ZNF831: variants seen among roughly 807,000 people sequenced by gnomAD.
ZNF831 encodes zinc finger protein 831.
Under a neutral mutation model 95.8 loss-of-function variants are expected in ZNF831, and 59 were observed. That is an observed-to-expected ratio of 0.62 (90% CI 0.50 to 0.77). The LOEUF (loss-of-function observed/expected upper bound fraction) is 0.77, where lower values mean the gene tolerates loss of function less well. Among genes scored for constraint, ZNF831 ranks in the 30% least tolerant of loss-of-function variants. The pLI, the probability that ZNF831 is intolerant of heterozygous loss-of-function variation, is 0.00. For synonymous variants in ZNF831, 961 were observed against 925.5 expected (o/e 1.04, Z -0.70); for missense variants, 2,205 against 2,164.0 (o/e 1.02, Z -0.38).
intron 3 of ZNF831, among the ~76,000 whole-genome samples, chr20:59,200,848 AGTGAGTAT>A (rs1489428961): frequency 1.3e-5 from 2 of 150,204 alleles, no homozygotes; most frequent in African/African-American, 4.9e-5. Flanking sequence ...TATGCCATTG[AGTGAGTAT>A]GTCACAATTT....
intron 1 of ZNF831, among the ~76,000 whole-genome samples, chr20:59,173,908 G>A (rs76254714): frequency 0.083 from 12,623 of 152,118 alleles, 708 homozygotes; most frequent in Non-Finnish European, 0.12. Context: ...TTGAGGGAGA[G>A]TACTCAAGAA....
chr20:59,216,716 G>T (rs546203613), intron 4 of ZNF831, among the ~76,000 whole-genome samples: 1 of 152,148 alleles, frequency 6.6e-6, no homozygotes, highest in African/African-American at 2.4e-5. Context: ...CATGGGGGAC[G>T]GGCGCAGGTA....
chr20:59,156,623 C>T (rs1001570773), intron 2 of ZNF831, among the ~76,000 whole-genome samples: 1 of 152,202 alleles, frequency 6.6e-6, no homozygotes. Flanking sequence ...ACTTAGCCAT[C>T]TCGCATAACT....
chr20:59,166,252 A>G (rs999721768), intron 1 of ZNF831, among the ~76,000 whole-genome samples: 1 of 152,204 alleles, frequency 6.6e-6, no homozygotes, highest in African/African-American at 2.4e-5. Flanking sequence ...ACTCGTGGCT[A>G]GGGTCGGTTC....
At chr20:59,196,033 T>G (rs949298199) in intron 3 of ZNF831, 28 bp downstream of exon 3, 5 of 1,608,468 alleles carry the variant, frequency 3.1e-6, no homozygotes, top group Non-Finnish European at 4.2e-6. Context: ...CTCTGTCATT[T>G]CCACAAAACC....
chr20:59,240,282 A>ACTTTAG (rs1456481306), intron 4 of ZNF831, among the ~76,000 whole-genome samples: 2 of 151,888 alleles, frequency 1.3e-5, no homozygotes, highest in Non-Finnish European at 2.9e-5. Context: ...GTTAAAGGCT[A>ACTTTAG]CCTCCCATTT....
rs760958768 is a variant in ZNF831, at chr20:59,254,631, C to A, written c.4922C>A (p.Ala1641Asp). The change falls in exon 6 of 6, where the codon GCC becomes GAC. Residue 1641 changes from alanine (A) to aspartate (D), a missense_variant. Transcript: ENST00000371030. The surrounding 1 kb of genome is among the most constrained non-coding windows in gnomAD (Gnocchi z 4.5). Reference protein sequence around the residue: ...KPEQPIEIPEAPSKSLKKRSL... With the variant: ...KPEQPIEIPEDPSKSLKKRSL... ...GAGCAGCCCATAGAAATTCCTGAAGCCCCTTCTAAATCCCTCAAGAAGAGG... is the reference window on the plus strand; with the variant it reads ...GAGCAGCCCATAGAAATTCCTGAAGACCCTTCTAAATCCCTCAAGAAGAGG... 8.7e-6 allele frequency: 14 copies of A among 1,613,920 alleles called. No individual in the cohort carries two copies. The highest frequency in any genetic ancestry group is 6.7e-5 in the East Asian group (3 of 44,882).
intron 4 of ZNF831, among the ~76,000 whole-genome samples, chr20:59,251,062 G>A (rs1033498096): frequency 1.4e-4 from 22 of 152,024 alleles, no homozygotes; most frequent in African/African-American, 5.3e-4. Context: ...AAGTGTTCTT[G>A]CCAAAAAAAG....
intron 2 of ZNF831, among the ~76,000 whole-genome samples, chr20:59,195,632 G>A (rs1410933031): frequency 3.3e-5 from 5 of 152,182 alleles, no homozygotes; most frequent in African/African-American, 4.8e-5. Context: ...AGTTAACACC[G>A]ATGGCATAGG....
At chr20:59,247,285 C>A (rs184909107) in intron 4 of ZNF831, among the ~76,000 whole-genome samples, 1 of 152,178 alleles carries the variant, frequency 6.6e-6, no homozygotes, top group East Asian at 1.9e-4. Context: ...CCAGCACCTT[C>A]GTGCTTTTTC....
At position 59,257,468 on chromosome 20, in the gene ZNF831, A is replaced by C. The variant is rs972589098; in HGVS notation, c.*2725A>C. On this transcript the variant is annotated 3_prime_UTR_variant, in exon 6 of 6. Coordinates refer to ENST00000371030, the MANE Select transcript of ZNF831 (RefSeq NM_178457.3). Reference sequence around the variant, plus strand: ...AACAATCTCTGATTTTATAAATCTTAATTTTCCTATGGGTTTTCTTAAAGT... The same window carrying C: ...AACAATCTCTGATTTTATAAATCTTCATTTTCCTATGGGTTTTCTTAAAGT... 1 of 152,178 alleles carries C rather than the reference A, an allele frequency of 6.6e-6. No individual in the cohort carries two copies. The highest frequency in any genetic ancestry group is 2.4e-5 in the African/African-American group (1 of 41,438). 9.4% of individuals were successfully genotyped at this position (152,178 alleles called of 1,614,324 possible).
chr20:59,159,025 C>A (rs542694377), upstream of ZNF831, among the ~76,000 whole-genome samples: 2 of 152,240 alleles, frequency 1.3e-5, no homozygotes, highest in East Asian at 3.9e-4. Context: ...TAACTTTTTT[C>A]AAGTGCCATA....
upstream of ZNF831, among the ~76,000 whole-genome samples, chr20:59,159,078 C>G (rs188162544): frequency 2.8e-3 from 429 of 152,116 alleles, no homozygotes; most frequent in Non-Finnish European, 4.4e-3. Context: ...AATATCACAT[C>G]AATTATTATA....
At chr20:59,132,841 C>G (rs1979389806) in intron 1 of ZNF831, among the ~76,000 whole-genome samples, 2 of 152,272 alleles carry the variant, frequency 1.3e-5, no homozygotes. Context: ...TGAGCTGTGC[C>G]AAGAGCCAGC....
intron 4 of ZNF831, among the ~76,000 whole-genome samples, chr20:59,247,792 T>TG (rs1291356805): frequency 6.6e-6 from 1 of 152,194 alleles, no homozygotes; most frequent in Admixed American, 6.5e-5. Flanking sequence ...TTTGGTGTAT[T>TG]GGGACAAACC....
chr20:59,150,040 T>C (rs527393215), intron 2 of ZNF831, among the ~76,000 whole-genome samples: 138 of 152,384 alleles, frequency 9.1e-4, no homozygotes, highest in African/African-American at 3.1e-3. Context: ...AAACGGGCTC[T>C]GTTGATAAAA....
intron 1 of ZNF831, among the ~76,000 whole-genome samples, chr20:59,183,250 T>A (rs928591369): frequency 6.6e-6 from 1 of 152,234 alleles, no homozygotes; most frequent in Non-Finnish European, 1.5e-5. Flanking sequence ...GAGCCAGGCC[T>A]GACCTTACCC....
intron 1 of ZNF831, among the ~76,000 whole-genome samples, chr20:59,180,769 T>C (rs937019452): frequency 6.6e-6 from 1 of 152,264 alleles, no homozygotes; most frequent in African/African-American, 2.4e-5. Context: ...TTATCCAGTC[T>C]ATCACTGATG....
chr20:59,136,782 A>G lies in ZNF831; in HGVS notation c.-1424-9449A>G, dbSNP rs140089227. On this transcript the variant is annotated intron_variant, in intron 1 of 7. Transcript: ENST00000637017. Reference sequence around the variant, plus strand: ...TCCCCCAAAATCTTTTTTCCTTTCTATCTCATAGCAACAGATCCCCCAGGT... The same window carrying G: ...TCCCCCAAAATCTTTTTTCCTTTCTGTCTCATAGCAACAGATCCCCCAGGT... 2.5e-3 allele frequency among the ~76,000 whole-genome samples: 385 copies of G among 152,230 alleles called. 1 individual carries two copies. Among genetic ancestry groups the G allele is most frequent in the African/African-American group, 8.6e-3 (356 of 41,532 alleles).
Sources: gnomAD v4.1 joint callset for allele counts (sites outside exome capture counted in the v4.1 genomes callset) on GRCh38, gnomAD v4.1.1 for gene constraint, Gnocchi (gnomAD v3.1) non-coding constraint, MANE v1.5 for transcripts, NCBI Gene and HGNC (gene_info 2026-07-23, HGNC 2026-07-21) for gene names.